SOX5: variants seen among roughly 807,000 people sequenced by gnomAD.
SOX5 encodes SRY-box transcription factor 5.
SOX5 carries 9 observed loss-of-function variants against 92.0 expected under a neutral mutation model. The ratio of observed to expected loss-of-function variants is 0.10; its 90% CI spans 0.06 to 0.17. The LOEUF is 0.17. Among genes scored for constraint, SOX5 ranks in the 10% least tolerant of loss-of-function variants. The pLI is 1.00. For missense variants in SOX5, 642 were observed against 944.5 expected, an observed-to-expected ratio of 0.68 and a Z score of 4.20; for synonymous variants, 344 against 336.3, an observed-to-expected ratio of 1.02 and a Z score of -0.25.
intron 3 of SOX5, among the ~76,000 whole-genome samples, chr12:23,837,948 T>C (rs1490689546): frequency 1.6e-5 from 2 of 121,718 alleles, no homozygotes; most frequent in African/African-American, 3.2e-5. Context: ...TATTTATATT[T>C]ATATAGTATA....
intron 3 of SOX5, among the ~76,000 whole-genome samples, chr12:23,791,326 T>G (rs1015577305): frequency 4.6e-5 from 7 of 152,340 alleles, no homozygotes; most frequent in Non-Finnish European, 1.0e-4. Flanking sequence ...AGTCTCACTA[T>G]GTTGCCCAGG....
intron 3 of SOX5, among the ~76,000 whole-genome samples, chr12:23,790,094 T>C (rs969038764): frequency 8.5e-5 from 13 of 152,186 alleles, no homozygotes; most frequent in African/African-American, 2.9e-4. Context: ...TCATATAGAA[T>C]GTACCTAACA....
At chr12:24,561,319 T>G (rs1954315066) in intron 1 of SOX5, among the ~76,000 whole-genome samples, 1 of 152,182 alleles carries the variant, frequency 6.6e-6, no homozygotes, top group Non-Finnish European at 1.5e-5. Flanking sequence ...CATTCTGAAT[T>G]TAGTCACAGA....
At chr12:24,083,376 A>T (rs535515810) in intron 4 of SOX5, among the ~76,000 whole-genome samples, 2 of 152,054 alleles carry the variant, frequency 1.3e-5, no homozygotes, top group Non-Finnish European at 2.9e-5. Flanking sequence ...TTTCTGCAAC[A>T]TTTATTCTAC....
At chr12:24,543,591 G>T (rs995166275) in intron 1 of SOX5, among the ~76,000 whole-genome samples, 1 of 152,196 alleles carries the variant, frequency 6.6e-6, no homozygotes, top group Admixed American at 6.5e-5. Context: ...AGGAGGCTGA[G>T]GTGGGAGAAT....
At chr12:23,798,462 A>T (rs1436715888) in intron 3 of SOX5, among the ~76,000 whole-genome samples, 1 of 152,024 alleles carries the variant, frequency 6.6e-6, no homozygotes, top group Non-Finnish European at 1.5e-5. Flanking sequence ...TCTTTGGTTA[A>T]TCTCACTGCA....
In SOX5 at chr12:24,524,499, G is replaced by A. The variant is rs559470127; in HGVS notation, c.-251+37830C>T. On this transcript the variant is annotated intron_variant, in intron 1 of 4. Coordinates refer to the SOX5 transcript ENST00000446891. Reference sequence around the variant, plus strand: ...TGAATATCTGAAATATAGAAGAAACGTTTTCAATTGAAAAAAAAATCCTGA... The same window carrying A: ...TGAATATCTGAAATATAGAAGAAACATTTTCAATTGAAAAAAAAATCCTGA... Among the ~76,000 whole-genome samples the A allele has an allele frequency of 1.2e-4, 18 of 150,000 alleles. No homozygotes were observed. In the South Asian group the frequency reaches 2.4e-3, roughly 20 times the overall value.
At position 23,665,279 on chromosome 12, in the gene SOX5, T is replaced by A. The variant is rs12822491; in HGVS notation, c.931+165A>T. Among the ~76,000 whole-genome samples the A allele has an allele frequency of 1.3e-5, 2 of 151,866 alleles. 1 individual carries two copies. Among genetic ancestry groups the A allele is most frequent in the South Asian group, 4.1e-4 (2 of 4,824 alleles). The stretch of plus-strand genomic sequence containing the variant: ...TTCAGAAGCACAGATTTAATCTAAG[T>A]CCTTTAAGTACTAACACACTTCTCC... On this transcript the variant is annotated intron_variant, in intron 7 of 14. Transcript: ENST00000451604.
chr12:23,965,706 C>T (rs1388350857), intron 4 of SOX5, among the ~76,000 whole-genome samples: 1 of 152,092 alleles, frequency 6.6e-6, no homozygotes, highest in Non-Finnish European at 1.5e-5. Context: ...GCAACCTCTG[C>T]CCCCCAGGTT....
At chr12:23,829,758 C>A (rs571594128) in intron 3 of SOX5, among the ~76,000 whole-genome samples, 1 of 151,978 alleles carries the variant, frequency 6.6e-6, no homozygotes, top group Non-Finnish European at 1.5e-5. Flanking sequence ...CAAATAGATT[C>A]TTTTTTTATT....
rs903105211 is a variant in SOX5, at chr12:24,257,762, C to T, written c.-77+19454G>A. On this transcript the variant is annotated intron_variant, in intron 3 of 4. Transcript: ENST00000446891. ...GATTACTGGGATGAGCCACCGTACC[C>T]GACCAAAGCTCCAGTTTTTATTTAA... 7.2e-5 allele frequency among the ~76,000 whole-genome samples: 11 copies of T among 152,170 alleles called. No individual in the cohort carries two copies. In the South Asian group the frequency reaches 1.5e-3, roughly 20 times the overall value.
intron 4 of SOX5, among the ~76,000 whole-genome samples, chr12:24,143,395 T>C (rs1950769843): frequency 6.6e-6 from 1 of 152,050 alleles, no homozygotes; most frequent in African/African-American, 2.4e-5. Context: ...AACCCAGAAA[T>C]GACACAGATG....
intron 1 of SOX5, among the ~76,000 whole-genome samples, chr12:23,923,081 G>A (rs1338744748): frequency 6.6e-6 from 1 of 151,928 alleles, no homozygotes; most frequent in Admixed American, 6.5e-5. Context: ...GAGTAGCTGG[G>A]ACTACAGGCG....
chr12:23,552,619 T>G (rs1463850310), intron 11 of SOX5, among the ~76,000 whole-genome samples: 1 of 151,952 alleles, frequency 6.6e-6, no homozygotes, highest in Non-Finnish European at 1.5e-5. Context: ...TTTGGCCATA[T>G]GTAGTCAGGA....
At chr12:24,481,268 TG>T (rs1222888074) in intron 1 of SOX5, among the ~76,000 whole-genome samples, 1 of 151,490 alleles carries the variant, frequency 6.6e-6, no homozygotes, top group African/African-American at 2.4e-5. Flanking sequence ...GAAAGCGTAG[TG>T]GGGGTGGGGG....
chr12:24,236,233 A>ATAAAG (rs1491161663), intron 3 of SOX5, among the ~76,000 whole-genome samples: 2 of 152,022 alleles, frequency 1.3e-5, no homozygotes, highest in African/African-American at 4.8e-5. Context: ...ATAAAATAAA[A>ATAAAG]TAAAGAAGTA....
intron 1 of SOX5, among the ~76,000 whole-genome samples, chr12:24,560,241 T>C (rs1317182435): frequency 6.6e-6 from 1 of 152,178 alleles, no homozygotes; most frequent in Non-Finnish European, 1.5e-5. Context: ...AATAACTAAA[T>C]AATTATGCAC....
At chr12:24,013,438 G>C (rs1210175551) in intron 4 of SOX5, among the ~76,000 whole-genome samples, 1 of 152,128 alleles carries the variant, frequency 6.6e-6, no homozygotes, top group African/African-American at 2.4e-5. Flanking sequence ...CATTTCATTT[G>C]TTTATTTAAA....
At chr12:23,826,588 C>T (rs2096238704) in intron 3 of SOX5, among the ~76,000 whole-genome samples, 1 of 152,096 alleles carries the variant, frequency 6.6e-6, no homozygotes, top group African/African-American at 2.4e-5. Flanking sequence ...TACTGCACTG[C>T]TCCCAATATG....
Sources: gnomAD v4.1 joint callset for allele counts (sites outside exome capture counted in the v4.1 genomes callset) on GRCh38, gnomAD v4.1.1 for gene constraint, MANE v1.5 for transcripts, NCBI Gene and HGNC (gene_info 2026-07-23, HGNC 2026-07-21) for gene names.